The following SPTA1 variants were observed in gnomAD, a reference collection of about 807,000 sequenced individuals.
SPTA1 encodes spectrin alpha chain, erythrocytic 1.
Under a neutral mutation model 324.7 loss-of-function variants are expected in SPTA1, and 177 were observed. The ratio of observed to expected loss-of-function variants is 0.55; its 90% CI spans 0.48 to 0.62. The LOEUF is 0.62. Among genes scored for constraint, SPTA1 ranks in the 20% least tolerant of loss-of-function variants. SPTA1 has a pLI of 0.00. For missense variants in SPTA1, 3,162 were observed against 2,883.6 expected (o/e 1.10, Z -2.21); for synonymous variants, 1,195 against 1,041.3 (o/e 1.15, Z -2.84).
chr1:158,639,726 A>T (rs763298615), intron 34 of SPTA1, 40 bp from the exon 35 acceptor site: 1 of 1,612,984 alleles, frequency 6.2e-7, no homozygotes, highest in East Asian at 2.2e-5. Context: ...GCCAGGTGAA[A>T]CTGCCTTTAA....
At chr1:158,642,144 C>T (rs1651638289) in intron 33 of SPTA1, among the ~76,000 whole-genome samples, 2 of 151,906 alleles carry the variant, frequency 1.3e-5, no homozygotes, top group East Asian at 1.9e-4. Context: ...GAACATCACA[C>T]ACCAGGGACT....
At chr1:158,615,122 T>G in intron 48 of SPTA1, 94 bp downstream of exon 48, 1 of 1,444,866 alleles carries the variant, frequency 6.9e-7, no homozygotes, top group Non-Finnish European at 9.7e-7. Flanking sequence ...AAGCAACTCT[T>G]TTATCTGGTG....
rs1192314908 is a variant in SPTA1 at position 158,615,324 on chromosome 1, A to G, written c.6680T>C (p.Leu2227Pro). 18 of 1,614,022 alleles carry G rather than the reference A, an allele frequency of 1.1e-5. No individual in the cohort carries two copies. The South Asian group carries it at 1.2e-4, about 11-fold the overall frequency. Residue 2227 changes from leucine to proline, a missense_variant, in exon 48 of 52, where the codon CTG becomes CCG. Coordinates refer to ENST00000643759, the MANE Select transcript of SPTA1 (RefSeq NM_003126.4). The stretch of plus-strand genomic sequence containing the variant: ...GGTGCTGTATTTGATATCAAGGATC[A>G]GAGCGTCTTCCAAGTTGTCCCCCAG... The part of the protein sequence containing the change: ...VDLGDNLEDA[L>P]ILDIKYSTIG...
chr1:158,619,688 T>C (rs575168721), intron 44 of SPTA1, among the ~76,000 whole-genome samples: 17 of 152,350 alleles, frequency 1.1e-4, no homozygotes, highest in Non-Finnish European at 1.9e-4. Context: ...GAAACAATAG[T>C]TACTATCTAA....
In SPTA1 at chr1:158,668,074, T is replaced by TA; in HGVS notation, c.1834-13_1834-12insT. ...AAGTTCTGTATGTCCTGAGATAAGA[T>TA]GAAAAAAAAAAAAAAAACCATTACC... is the stretch of plus-strand genomic sequence containing the variant. On this transcript the variant is annotated splice_polypyrimidine_tract_variant and intron_variant, in intron 14 of 51. Coordinates refer to ENST00000643759, the MANE Select transcript of SPTA1 (RefSeq NM_003126.4). The TA allele has an allele frequency of 6.8e-7, 1 of 1,473,198 alleles. No homozygotes were observed. The highest frequency in any genetic ancestry group is 1.2e-5 in the South Asian group (1 of 81,242). The allele number at this position is 1,473,198 out of a possible 1,614,324, so 91.3% of individuals were successfully genotyped here. A position where few individuals can be genotyped will look rare whatever the true frequency, so the allele number is the denominator to read the frequency against.
intron 35 of SPTA1, 192 bp downstream of exon 35, chr1:158,639,390 T>G (rs1375323782): frequency 1.6e-6 from 1 of 633,230 alleles, no homozygotes; most frequent in Admixed American, 2.5e-5. Context: ...AGTTTAGGGA[T>G]AATTGATTAT....
chr1:158,667,543 T>C (rs1385374890), intron 15 of SPTA1, among the ~76,000 whole-genome samples: 1 of 152,130 alleles, frequency 6.6e-6, no homozygotes, highest in Non-Finnish European at 1.5e-5. Flanking sequence ...AAAATACTTG[T>C]TCAAGGGAAA....
chr1:158,661,849 T>G (rs1467600705), intron 17 of SPTA1, among the ~76,000 whole-genome samples: 2 of 152,238 alleles, frequency 1.3e-5, no homozygotes, highest in Non-Finnish European at 2.9e-5. Flanking sequence ...GTAACTGGTT[T>G]GAAGATCTAT....
intron 26 of SPTA1, 88 bp downstream of exon 26, chr1:158,648,421 T>C: frequency 1.3e-6 from 2 of 1,567,446 alleles, no homozygotes; most frequent in East Asian, 2.2e-5. Context: ...AATAAAAGAC[T>C]GAAAAAGAGA....
intron 33 of SPTA1, among the ~76,000 whole-genome samples, chr1:158,642,060 CA>C (rs942295487): frequency 1.3e-4 from 20 of 151,524 alleles, no homozygotes; most frequent in Non-Finnish European, 2.9e-5. Context: ...ATCACAAGGA[CA>C]AAAAACCAAA....
intron 27 of SPTA1, among the ~76,000 whole-genome samples, chr1:158,647,205 T>A (rs999253879): frequency 2.0e-5 from 3 of 152,208 alleles, no homozygotes; most frequent in African/African-American, 7.2e-5. Flanking sequence ...TGTTACAATG[T>A]GTGTTTTCGG....
Position 158,666,387 on chromosome 1 carries a change from T to C in SPTA1, c.2149A>G (p.Lys717Glu), listed in dbSNP as rs1653604513. 1 of 1,613,912 alleles carries C rather than the reference T, an allele frequency of 6.2e-7. No homozygotes were observed. The highest frequency in any genetic ancestry group is 1.3e-5 in the African/African-American group (1 of 74,994). The change falls in exon 16 of 52, where the codon AAA (lysine) becomes GAA (glutamate). Residue 717 changes from lysine (K) to glutamate (E), a missense_variant. Transcript: ENST00000643759. Reference protein sequence around the residue: ...EWQVTSEDYGKGLAEVQNRLR... With the variant: ...EWQVTSEDYGEGLAEVQNRLR... Reference sequence around the variant, plus strand: ...CGATTCTGTACCTCGGCCAGGCCTTTCCCATAATCCTCAGAGGTGACTTGC... The same window carrying C: ...CGATTCTGTACCTCGGCCAGGCCTTCCCCATAATCCTCAGAGGTGACTTGC...
At position 158,615,410 on chromosome 1, in the gene SPTA1, A is replaced by G. The variant is rs777743944; in HGVS notation, c.6601-7T>C. 1.2e-6 allele frequency: 2 copies of G among 1,613,958 alleles called. No homozygotes were observed. Among genetic ancestry groups the G allele is most frequent in the Non-Finnish European group, 1.7e-6 (2 of 1,179,948 alleles). On this transcript the variant is annotated splice_region_variant and splice_polypyrimidine_tract_variant and intron_variant, in intron 47 of 51. Coordinates refer to ENST00000643759, the MANE Select transcript of SPTA1 (RefSeq NM_003126.4). The stretch of plus-strand genomic sequence containing the variant: ...GGATCTCCTTCTGTTTTCTCTGGAA[A>G]AACGACAGAGAAGAGAGACAATTAG...
At position 158,678,413 on chromosome 1, in the gene SPTA1, T is replaced by G; in HGVS notation, c.800A>C (p.Gln267Pro). The change falls in exon 6 of 52, where the codon CAA (glutamine) becomes CCA (proline). Residue 267 changes from glutamine to proline, a missense_variant. By Grantham distance (76) the Gln-to-Pro change is moderately conservative (BLOSUM62 -1). Coordinates refer to ENST00000643759, the MANE Select transcript of SPTA1 (RefSeq NM_003126.4). ...QKALSNAANL[Q>P]RFKRDVTEAI... ...GCCAGATCCATACCTTTTGAATCGT[T>G]GTAAGTTTGCAGCATTGGACAGAGC... 1 of 1,613,686 alleles carries G rather than the reference T, an allele frequency of 6.2e-7. No individual in the cohort carries two copies. The highest frequency in any genetic ancestry group is 1.1e-5 in the South Asian group (1 of 91,078).
chr1:158,656,321 A>T (rs1652821444), intron 20 of SPTA1, among the ~76,000 whole-genome samples: 1 of 152,224 alleles, frequency 6.6e-6, no homozygotes, highest in South Asian at 2.1e-4. Context: ...AAAGGAAGGA[A>T]AGAGGAAAGC....
chr1:158,659,230 G>A (rs1209729515), intron 18 of SPTA1, among the ~76,000 whole-genome samples: 1 of 151,830 alleles, frequency 6.6e-6, no homozygotes, highest in East Asian at 1.9e-4. Flanking sequence ...ACAAATGGAA[G>A]TATCAATTTA....
rs768298142 is a variant in SPTA1, at chr1:158,674,334, C to T, written c.1345G>A (p.Glu449Lys). The T allele has an allele frequency of 1.2e-6, 2 of 1,613,830 alleles. No homozygotes were observed. The highest frequency in any genetic ancestry group is 1.7e-5 in the Admixed American group (1 of 59,988). ...ACTCTGTTAAACTAGATTACCTTTTCCCGAACTTCATCAGAGGCTTCATGA... is the reference window on the plus strand; with the variant it reads ...ACTCTGTTAAACTAGATTACCTTTTTCCGAACTTCATCAGAGGCTTCATGA... ...ANHEASDEVR[E>K]KMEILDNNWT... The change falls in exon 10 of 52, where the codon GAA (glutamate) becomes AAA (lysine). Residue 449 changes from glutamate (E) to lysine (K), a missense_variant. By Grantham distance (56) the Glu-to-Lys change is moderately conservative. Transcript: ENST00000643759.
At chr1:158,650,494 T>C (rs1187807041) in intron 24 of SPTA1, among the ~76,000 whole-genome samples, 1 of 152,194 alleles carries the variant, frequency 6.6e-6, no homozygotes, top group Non-Finnish European at 1.5e-5. Context: ...TTAGATCTTT[T>C]ATGGAATCAT....
chr1:158,653,306 G>A lies in SPTA1; in HGVS notation c.3156C>T (p.Asn1052=), dbSNP rs2101864958. 5.6e-6 allele frequency: 9 copies of A among 1,614,114 alleles called. No individual in the cohort carries two copies. The highest frequency in any genetic ancestry group is 2.2e-5 in the East Asian group (1 of 44,880). Reference sequence around the variant, plus strand: ...CAATCTGCTCCTGGCGCTGGGTGATGTTTCCTGGCTCTTCTCGTCGCCGCT... The same window carrying A: ...CAATCTGCTCCTGGCGCTGGGTGATATTTCCTGGCTCTTCTCGTCGCCGCT... ...LPQRRREEPG[N]ITQRQEQIEN... The change falls in exon 22 of 52, where the codon AAC becomes AAT. Residue 1052 remains asparagine (N), a synonymous_variant. Transcript: ENST00000643759.
Sources: gnomAD v4.1 joint callset for allele counts (sites outside exome capture counted in the v4.1 genomes callset) on GRCh38, gnomAD v4.1.1 for gene constraint, MANE v1.5 for transcripts, NCBI Gene and HGNC (gene_info 2026-07-23, HGNC 2026-07-21) for gene names.